TAX1BP1: variants seen among roughly 807,000 people sequenced by gnomAD.
TAX1BP1 encodes the protein Tax1 binding protein 1.
In TAX1BP1, 62 loss-of-function variants were observed where a neutral mutation model predicts 97.7. That is an observed-to-expected ratio of 0.63 (90% CI 0.52 to 0.78). The LOEUF is 0.78. Among genes scored for constraint, TAX1BP1 ranks in the 30% least tolerant of loss-of-function variants. The pLI is 0.00. For synonymous variants in TAX1BP1, 340 were observed against 304.2 expected (o/e 1.12, Z -1.23); for missense variants, 867 against 916.1 (o/e 0.95, Z 0.69).
chr7:27,809,425 C>A (rs1790467731), intron 13 of TAX1BP1, among the ~76,000 whole-genome samples: 2 of 152,284 alleles, frequency 1.3e-5, no homozygotes, highest in Admixed American at 6.5e-5. Context: ...TGAATAGATA[C>A]AATTTTTTTT....
Position 27,786,573 on chromosome 7 carries a change from T to C in TAX1BP1, c.853-845T>C, listed in dbSNP as rs1203280119. 5.3e-5 allele frequency among the ~76,000 whole-genome samples: 8 copies of C among 152,274 alleles called. No homozygotes were observed. In the South Asian group the frequency reaches 1.5e-3, roughly 28 times the overall value. On this transcript the variant is annotated intron_variant, in intron 7 of 16. Transcript: ENST00000396319. The stretch of plus-strand genomic sequence containing the variant: ...TTCCAGATGAGGAATTTCAAGAACA[T>C]TCTGAGTTAAGTCCGTTTCTTGTTA...
intron 3 of TAX1BP1, among the ~76,000 whole-genome samples, chr7:27,759,223 A>G (rs1788335904): frequency 6.6e-6 from 1 of 152,174 alleles, no homozygotes; most frequent in African/African-American, 2.4e-5. Flanking sequence ...TGAAATAATT[A>G]AAATATCACA....
chr7:27,828,515 G>T, intron 16 of TAX1BP1, 113 bp from the exon 17 acceptor site: 2 of 941,304 alleles, frequency 2.1e-6, no homozygotes, highest in Non-Finnish European at 1.6e-6. Context: ...TTTTAAGGTA[G>T]GTTGTTTAGT....
chr7:27,820,151 C>T (rs995031343), intron 15 of TAX1BP1, among the ~76,000 whole-genome samples: 1 of 152,138 alleles, frequency 6.6e-6, no homozygotes, highest in African/African-American at 2.4e-5. Context: ...TTATCTCTTC[C>T]CTTAATTCAT....
At chr7:27,764,762 C>T (rs559151547) in intron 3 of TAX1BP1, among the ~76,000 whole-genome samples, 162 of 151,888 alleles carry the variant, frequency 1.1e-3, no homozygotes, top group African/African-American at 3.7e-3. Flanking sequence ...TTGATCATTA[C>T]GTTAGAAAGA....
chr7:27,812,400 G>T (rs1209703433), intron 13 of TAX1BP1, among the ~76,000 whole-genome samples: 1 of 151,958 alleles, frequency 6.6e-6, no homozygotes, highest in Non-Finnish European at 1.5e-5. Flanking sequence ...TCCTTTGTCA[G>T]ATATTTTGGT....
chr7:27,811,209 T>A (rs971029140), intron 13 of TAX1BP1, among the ~76,000 whole-genome samples: 6 of 152,232 alleles, frequency 3.9e-5, no homozygotes, highest in Non-Finnish European at 8.8e-5. Context: ...GTCTTATTTT[T>A]GCAGTTAAAT....
chr7:27,740,129 G>A (rs1787507791), upstream of TAX1BP1: 1 of 152,356 alleles, frequency 6.6e-6, no homozygotes, highest in African/African-American at 2.4e-5. Context: ...AGTGACGCAA[G>A]GCCTACTGTC....
chr7:27,786,661 G>A (rs1404125454), intron 7 of TAX1BP1, among the ~76,000 whole-genome samples: 1 of 152,200 alleles, frequency 6.6e-6, no homozygotes. Context: ...TGCTGCAAGG[G>A]TGTTGGTTGC....
Position 27,760,640 on chromosome 7 carries a change from C to T in TAX1BP1, c.265+2507C>T, listed in dbSNP as rs372272612. 3.7e-3 allele frequency among the ~76,000 whole-genome samples: 566 copies of T among 152,210 alleles called. 4 individuals are homozygous for T. The highest frequency in any genetic ancestry group is 0.013 in the African/African-American group (534 of 41,528). On this transcript the variant is annotated intron_variant, in intron 3 of 16. Transcript: ENST00000396319. ...CGATCTCCTGACCTTGTGATCCGCC[C>T]GCCTCGGCTTCCCAAAGTGTTGGAA...
At position 27,764,548 on chromosome 7, in the gene TAX1BP1, C is replaced by T. The variant is rs182579398; in HGVS notation, c.266-1286C>T. On this transcript the variant is annotated intron_variant, in intron 3 of 16. Coordinates refer to ENST00000396319, the MANE Select transcript of TAX1BP1 (RefSeq NM_006024.7). The stretch of plus-strand genomic sequence containing the variant: ...CTTGATTGCTTGTTTAAGATTGTGT[C>T]TTCTGGATTTCTCCACTGTAAATAA... 1.1e-4 allele frequency among the ~76,000 whole-genome samples: 17 copies of T among 152,246 alleles called. No homozygotes were observed. In the East Asian group the frequency reaches 3.1e-3, roughly 28 times the overall value.
At chr7:27,747,381 C>G (rs554075780) in intron 1 of TAX1BP1, among the ~76,000 whole-genome samples, 1 of 152,296 alleles carries the variant, frequency 6.6e-6, no homozygotes, top group Admixed American at 6.5e-5. Context: ...TTGGTGTTTA[C>G]TAAGCCAGTG....
Position 27,827,745 on chromosome 7 carries a change from A to G in TAX1BP1, c.2093A>G (p.Glu698Gly), listed in dbSNP as rs557561150. The change falls in exon 16 of 17, where the codon GAG becomes GGG. Residue 698 changes from glutamate (E) to glycine (G), a missense_variant. Glu to Gly is a moderately conservative substitution (Grantham distance 98, BLOSUM62 -2). Coordinates refer to ENST00000396319, the MANE Select transcript of TAX1BP1 (RefSeq NM_006024.7). ...LEDSEDSKED[E>G]NVPTAPDPPS... The stretch of plus-strand genomic sequence containing the variant: ...AAATTATTTTTCCCCTAGGAAGATG[A>G]GAATGTGCCTACTGCTCCTGATCCT... 757 of 1,612,710 alleles carry G rather than the reference A, an allele frequency of 4.7e-4. 7 individuals carry two copies. In the South Asian group the frequency reaches 6.1e-3, roughly 13 times the overall value.
chr7:27,789,295 A>G (rs1562723025), intron 8 of TAX1BP1, among the ~76,000 whole-genome samples: 1 of 151,782 alleles, frequency 6.6e-6, no homozygotes, highest in Non-Finnish European at 1.5e-5. Context: ...ATTTGCTTTT[A>G]TTCTTCTGTT....
At chr7:27,789,436 G>C (rs1192988757) in intron 8 of TAX1BP1, among the ~76,000 whole-genome samples, 1 of 151,742 alleles carries the variant, frequency 6.6e-6, no homozygotes, top group Non-Finnish European at 1.5e-5. Context: ...TATGCCCATA[G>C]ATAAACATTT....
chr7:27,824,308 C>G (rs1483799332), intron 15 of TAX1BP1, among the ~76,000 whole-genome samples: 1 of 151,956 alleles, frequency 6.6e-6, no homozygotes, highest in Non-Finnish European at 1.5e-5. Flanking sequence ...TGTCTGTAAT[C>G]TCATCACTTT....
intron 1 of TAX1BP1, among the ~76,000 whole-genome samples, chr7:27,741,666 G>T (rs868776678): frequency 3.5e-4 from 53 of 151,916 alleles, no homozygotes; most frequent in Middle Eastern, 3.4e-3. Flanking sequence ...ACACTGAAGG[G>T]GTGGGTTGCC....
chr7:27,753,970 A>G (rs140007889), intron 2 of TAX1BP1, among the ~76,000 whole-genome samples: 2 of 152,312 alleles, frequency 1.3e-5, no homozygotes, highest in African/African-American at 4.8e-5. Context: ...GAATTCTCAC[A>G]TCTCTGAGAT....
intron 13 of TAX1BP1, 138 bp downstream of exon 13, chr7:27,800,228 A>G (rs1790081006): frequency 2.5e-6 from 2 of 816,188 alleles, no homozygotes; most frequent in Non-Finnish European, 3.5e-6. Flanking sequence ...TGTACTATAT[A>G]TTTAGTTACA....
Sources: allele counts gnomAD v4.1 joint callset (sites outside exome capture counted in the v4.1 genomes callset), GRCh38; gene constraint gnomAD v4.1.1; transcripts MANE v1.5; gene names NCBI Gene and HGNC (gene_info 2026-07-23, HGNC 2026-07-21).